The following RNF220 variants were observed in gnomAD, a reference collection of about 807,000 sequenced individuals.
The protein encoded by RNF220 is E3 ubiquitin-protein ligase RNF220.
In RNF220, 7 loss-of-function variants were observed where a neutral mutation model predicts 67.1. That is an observed-to-expected ratio of 0.10 (90% CI 0.06 to 0.20). The LOEUF (loss-of-function observed/expected upper bound fraction) is 0.20, where lower values mean the gene tolerates loss of function less well. RNF220 is among the 10% of genes least tolerant of loss of function. The probability of loss-of-function intolerance (pLI) is 1.00; values close to 1 mark genes in which losing one functional copy is unlikely to be tolerated. For synonymous variants in RNF220, 270 were observed against 283.2 expected (o/e 0.95, Z 0.47); for missense variants, 565 against 740.3 (o/e 0.76, Z 2.75).
intron 5 of RNF220, among the ~76,000 whole-genome samples, chr1:44,627,344 CAAAAAAAAA>C (rs35722890): frequency 3.5e-4 from 15 of 42,254 alleles, no homozygotes; most frequent in African/African-American, 1.4e-3. Flanking sequence ...GACTCCGTCT[CAAAAAAAAA>C]AAAAAAAAAA....
At chr1:44,604,992 A>T (rs1007988269) in intron 2 of RNF220, among the ~76,000 whole-genome samples, 1 of 152,190 alleles carries the variant, frequency 6.6e-6, no homozygotes, top group Non-Finnish European at 1.5e-5. Flanking sequence ...TTACAGAAAG[A>T]AGAGGAACAG....
At chr1:44,429,551 T>C (rs573876117) in intron 2 of RNF220, among the ~76,000 whole-genome samples, 1 of 152,078 alleles carries the variant, frequency 6.6e-6, no homozygotes, top group East Asian at 1.9e-4. Flanking sequence ...AGAGTGTAAG[T>C]GTAGAAAAAG....
At position 44,485,060 on chromosome 1, in the gene RNF220, C is replaced by T. The variant is rs976730607; in HGVS notation, c.625+72338C>T. 3.3e-5 allele frequency among the ~76,000 whole-genome samples: 5 copies of T among 152,232 alleles called. 1 individual carries two copies. Among genetic ancestry groups the T allele is most frequent in the African/African-American group, 9.6e-5 (4 of 41,540 alleles). On this transcript the variant is annotated intron_variant, in intron 2 of 14. Coordinates refer to ENST00000361799, the MANE Select transcript of RNF220 (RefSeq NM_018150.4). ...TGGGAGGCTGAGAATCACTTGAACC[C>T]GGGAGGCGGAGGTTACAGTGAGCTG...
rs1648624350 is a variant in RNF220 at position 44,417,202 on chromosome 1, T to C, written c.625+4480T>C. Among the ~76,000 whole-genome samples, 1 of 152,166 alleles carries C rather than the reference T, an allele frequency of 6.6e-6. No individual in the cohort carries two copies. The highest frequency in any genetic ancestry group is 1.5e-5 in the Non-Finnish European group (1 of 68,010). On this transcript the variant is annotated intron_variant, in intron 2 of 14. Coordinates refer to ENST00000361799, the MANE Select transcript of RNF220 (RefSeq NM_018150.4). The surrounding 1 kb of genome is among the most constrained non-coding windows in gnomAD (Gnocchi z 4.0). ...AAGACCTGGGTCAGATGCTTCCCTC[T>C]GTCCTGACTGCCCAGACCTAGCCTG...
At chr1:44,426,738 A>AAG (rs1553214399) in intron 2 of RNF220, among the ~76,000 whole-genome samples, 13 of 151,852 alleles carry the variant, frequency 8.6e-5, no homozygotes, top group African/African-American at 1.7e-4. Context: ...AAAAAAAAAA[A>AAG]AAAGAAAGAA....
At chr1:44,547,445 G>A (rs375844717) in intron 2 of RNF220, among the ~76,000 whole-genome samples, 29 of 151,968 alleles carry the variant, frequency 1.9e-4, no homozygotes, top group Admixed American at 1.7e-3. Flanking sequence ...CTAACCCTGC[G>A]GTCACCCTCC....
Position 44,650,735 on chromosome 1 carries a change from C to CGATCACAGCGCCCGGA in RNF220, c.1664_1679dup (p.Leu561HisfsTer32). 1 of 1,613,494 alleles carries CGATCACAGCGCCCGGA rather than the reference C, an allele frequency of 6.2e-7. No individual in the cohort carries two copies. Among genetic ancestry groups the CGATCACAGCGCCCGGA allele is most frequent in the Non-Finnish European group, 8.5e-7 (1 of 1,179,854 alleles). ...AAGAAGCTCTGCCCTCAGTGCAACA[C>CGATCACAGCGCCCGGA]GATCACAGCGCCCGGAGACCTGCGG... On this transcript the variant is annotated frameshift_variant, in exon 15 of 15. Transcript: ENST00000361799. LOFTEE classifies it high-confidence loss of function. The surrounding 1 kb of genome is among the most constrained non-coding windows in gnomAD (Gnocchi z 4.3).
In RNF220 at chr1:44,607,126, G is replaced by A. The variant is rs4660812; in HGVS notation, c.626-7039G>A. Among the ~76,000 whole-genome samples the A allele has an allele frequency of 4.2e-3, 642 of 152,168 alleles. 7 individuals carry two copies. The highest frequency in any genetic ancestry group is 0.013 in the Admixed American group (193 of 15,290). ...TCTGCCTCTGTTCATCTCCGGCATC[G>A]TCATGCTAGAGCAAGCCGCCATCGT... On this transcript the variant is annotated intron_variant, in intron 2 of 14. Coordinates refer to ENST00000361799, the MANE Select transcript of RNF220 (RefSeq NM_018150.4).
At chr1:44,408,178 G>T (rs1647584382) in intron 1 of RNF220, among the ~76,000 whole-genome samples, 1 of 152,134 alleles carries the variant, frequency 6.6e-6, no homozygotes, top group Non-Finnish European at 1.5e-5. Flanking sequence ...TAAAAGAGTT[G>T]ATTTTTTTTC....
intron 2 of RNF220, among the ~76,000 whole-genome samples, chr1:44,469,411 A>T (rs1318953581): frequency 6.8e-6 from 1 of 147,522 alleles, no homozygotes. Context: ...AGGGAAGGAA[A>T]ATAATAGAAG....
chr1:44,650,563 C>A lies in RNF220; in HGVS notation c.1630-141C>A. On this transcript the variant is annotated intron_variant, in intron 14 of 14. Coordinates refer to ENST00000361799, the MANE Select transcript of RNF220 (RefSeq NM_018150.4). This position sits in a 1 kb window ranked among gnomAD's most constrained non-coding sequence, Gnocchi z 4.3. ...CGTGCCTGCCTGCTCACAGAAGCTG[C>A]CTATGCGTCCCCAGCCTGGGCTGAC... The A allele has an allele frequency of 1.2e-6, 1 of 828,618 alleles. No individual in the cohort carries two copies. The highest frequency in any genetic ancestry group is 2.0e-6 in the Non-Finnish European group (1 of 512,738). The allele number at this position is 828,618 out of a possible 1,614,324, so 51.3% of individuals were successfully genotyped here. A position where few individuals can be genotyped will look rare whatever the true frequency, so the allele number is the denominator to read the frequency against.
chr1:44,582,951 A>G (rs535976368), intron 2 of RNF220, among the ~76,000 whole-genome samples: 1 of 152,196 alleles, frequency 6.6e-6, no homozygotes, highest in Admixed American at 6.5e-5. Context: ...GGTTGCAGTG[A>G]GTCGAGATCA....
intron 2 of RNF220, among the ~76,000 whole-genome samples, chr1:44,612,084 G>A (rs960132350): frequency 2.0e-5 from 3 of 152,138 alleles, no homozygotes; most frequent in Admixed American, 1.3e-4. Flanking sequence ...AGCTGTCCCC[G>A]AGCATCTGAG....
chr1:44,549,698 G>A (rs1484358510), intron 2 of RNF220, among the ~76,000 whole-genome samples: 1 of 152,138 alleles, frequency 6.6e-6, no homozygotes, highest in Non-Finnish European at 1.5e-5. Context: ...GCCTCAGAGG[G>A]AAAACAATGA....
At chr1:44,538,598 A>G (rs1661422592) in intron 2 of RNF220, among the ~76,000 whole-genome samples, 1 of 152,152 alleles carries the variant, frequency 6.6e-6, no homozygotes, top group South Asian at 2.1e-4. Flanking sequence ...TGCATTTGGC[A>G]CCAAAAATCA....
chr1:44,479,605 T>G (rs975596497), intron 2 of RNF220, among the ~76,000 whole-genome samples: 1 of 152,180 alleles, frequency 6.6e-6, no homozygotes, highest in Non-Finnish European at 1.5e-5. Context: ...CCATCTGATT[T>G]CCTTCAGAGC....
intron 2 of RNF220, among the ~76,000 whole-genome samples, chr1:44,544,736 G>A (rs1661980926): frequency 6.6e-6 from 1 of 152,216 alleles, no homozygotes; most frequent in African/African-American, 2.4e-5. Context: ...TTTGTTTCTA[G>A]CAGTGGGCTG....
chr1:44,459,705 G>T (rs1467276996), intron 2 of RNF220, among the ~76,000 whole-genome samples: 1 of 152,138 alleles, frequency 6.6e-6, no homozygotes, highest in African/African-American at 2.4e-5. Flanking sequence ...CTGTGTAAGG[G>T]GTAGGTGGAG....
chr1:44,551,794 C>G (rs990109208), intron 2 of RNF220, among the ~76,000 whole-genome samples: 1 of 152,206 alleles, frequency 6.6e-6, no homozygotes, highest in Non-Finnish European at 1.5e-5. Context: ...GATTTTACCA[C>G]GCACTTCTTC....
Sources: allele counts gnomAD v4.1 joint callset (sites outside exome capture counted in the v4.1 genomes callset), GRCh38; gene constraint gnomAD v4.1.1; non-coding constraint Gnocchi (gnomAD v3.1); transcripts MANE v1.5; gene names NCBI Gene and HGNC (gene_info 2026-07-23, HGNC 2026-07-21).